SLC25A26: variants seen among roughly 807,000 people sequenced by gnomAD.
SLC25A26 encodes the protein mitochondrial S-adenosylmethionine carrier protein.
Under a neutral mutation model 37.8 loss-of-function variants are expected in SLC25A26, and 36 were observed. The ratio of observed to expected loss-of-function variants is 0.95; its 90% CI spans 0.73 to 1.26. The LOEUF is 1.26. SLC25A26 is among the 50% of genes most tolerant of loss of function. The probability of loss-of-function intolerance (pLI) is 0.00; values close to 1 mark genes in which losing one functional copy is unlikely to be tolerated. For synonymous variants in SLC25A26, 129 were observed against 122.5 expected (o/e 1.05, Z -0.35); for missense variants, 390 against 331.1 (o/e 1.18, Z -1.38).
At chr3:66,320,546 A>G (rs919405090) in intron 5 of SLC25A26, among the ~76,000 whole-genome samples, 3 of 152,166 alleles carry the variant, frequency 2.0e-5, no homozygotes, top group African/African-American at 4.8e-5. Flanking sequence ...GCTGTGAACA[A>G]TGGTATGCAA....
intron 5 of SLC25A26, among the ~76,000 whole-genome samples, chr3:66,280,533 C>T (rs2074301754): frequency 6.6e-6 from 1 of 152,186 alleles, no homozygotes; most frequent in Admixed American, 6.5e-5. Context: ...GCACGAAACA[C>T]TGTTAGTGGA....
chr3:66,258,578 G>A (rs767033605), intron 3 of SLC25A26, among the ~76,000 whole-genome samples: 2 of 152,168 alleles, frequency 1.3e-5, no homozygotes, highest in South Asian at 2.1e-4. Context: ...AGATGCAGGT[G>A]AAATTTTATA....
At chr3:66,193,013 G>C (rs1268649860) in intron 1 of SLC25A26, among the ~76,000 whole-genome samples, 1 of 152,054 alleles carries the variant, frequency 6.6e-6, no homozygotes, top group African/African-American at 2.4e-5. Flanking sequence ...AACAAAGACA[G>C]TTCGTTATAC....
chr3:66,348,611 TG>T lies in SLC25A26; in HGVS notation c.498+2204del, dbSNP rs2076380920. Among the ~76,000 whole-genome samples the T allele has an allele frequency of 2.0e-5, 3 of 152,344 alleles. No homozygotes were observed. In the South Asian group the frequency reaches 6.2e-4, roughly 32 times the overall value. ...TTTGAAGAGTATCATAAAAATTATT[TG>T]TACTTGGAAATAAATTGTTGAGGTA... On this transcript the variant is annotated intron_variant, in intron 6 of 9. Coordinates refer to ENST00000354883, the MANE Select transcript of SLC25A26 (RefSeq NM_001379210.1).
chr3:66,196,228 C>A, intron 1 of SLC25A26, among the ~76,000 whole-genome samples: 1 of 152,270 alleles, frequency 6.6e-6, no homozygotes, highest in East Asian at 1.9e-4. Flanking sequence ...AAGAATTTAT[C>A]TTCCAGTATT....
At chr3:66,273,001 A>C (rs532731639) in intron 5 of SLC25A26, among the ~76,000 whole-genome samples, 8 of 152,272 alleles carry the variant, frequency 5.3e-5, no homozygotes, top group Non-Finnish European at 1.2e-4. Flanking sequence ...TTTTAGCATG[A>C]AGGGTTTTTG....
At chr3:66,285,910 A>G (rs2074497801) in intron 5 of SLC25A26, among the ~76,000 whole-genome samples, 1 of 152,202 alleles carries the variant, frequency 6.6e-6, no homozygotes, top group Non-Finnish European at 1.5e-5. Context: ...AACTACTCCC[A>G]GGAGTTGATG....
chr3:66,172,132 C>G (rs1163697338), intron 1 of SLC25A26, among the ~76,000 whole-genome samples: 1 of 152,016 alleles, frequency 6.6e-6, no homozygotes, highest in African/African-American at 2.4e-5. Context: ...AAAAAAATGT[C>G]AGGCACAGCA....
intron 8 of SLC25A26, among the ~76,000 whole-genome samples, chr3:66,369,845 C>A (rs1473391853): frequency 6.6e-6 from 1 of 152,198 alleles, no homozygotes; most frequent in Admixed American, 6.5e-5. Flanking sequence ...GTTGACGAGC[C>A]TCCTGCTATG....
intron 5 of SLC25A26, among the ~76,000 whole-genome samples, chr3:66,336,460 A>T (rs1245533412): frequency 2.0e-5 from 3 of 152,184 alleles, no homozygotes; most frequent in Non-Finnish European, 4.4e-5. Context: ...AGGCAACCGG[A>T]TTATATTTGA....
At chr3:66,208,764 G>T (rs1262718838) in intron 1 of SLC25A26, among the ~76,000 whole-genome samples, 2 of 101,224 alleles carry the variant, frequency 2.0e-5, no homozygotes, top group East Asian at 5.2e-4. Flanking sequence ...ATATTTATAT[G>T]GGTGTATATA....
chr3:66,224,646 A>G (rs958479824), intron 1 of SLC25A26, among the ~76,000 whole-genome samples: 13 of 152,288 alleles, frequency 8.5e-5, no homozygotes, highest in African/African-American at 2.4e-4. Flanking sequence ...TTCAAAACCA[A>G]TCATGCCTTC....
At chr3:66,178,830 A>G (rs2070639857) in intron 1 of SLC25A26, among the ~76,000 whole-genome samples, 1 of 152,232 alleles carries the variant, frequency 6.6e-6, no homozygotes, top group South Asian at 2.1e-4. Flanking sequence ...AGAAGGAAAA[A>G]TTAAGTTGAA....
At chr3:66,181,932 G>A (rs1017792201) in intron 1 of SLC25A26, among the ~76,000 whole-genome samples, 56 of 152,208 alleles carry the variant, frequency 3.7e-4, no homozygotes, top group African/African-American at 1.2e-3. Flanking sequence ...GCCTGCCTGG[G>A]AGCGTGCCCG....
At chr3:66,304,644 T>C in intron 5 of SLC25A26, 1 of 313,642 alleles carries the variant, frequency 3.2e-6, no homozygotes, top group Non-Finnish European at 6.3e-6. Context: ...CATTGAGGAT[T>C]CGTTGTTCAC....
chr3:66,171,928 C>T (rs764777767), intron 1 of SLC25A26, among the ~76,000 whole-genome samples: 1 of 152,224 alleles, frequency 6.6e-6, no homozygotes, highest in Non-Finnish European at 1.5e-5. Context: ...GCTACTCTTC[C>T]TTACCCCCTT....
intron 2 of SLC25A26, among the ~76,000 whole-genome samples, chr3:66,241,638 G>A (rs1413753477): frequency 6.6e-6 from 1 of 152,152 alleles, no homozygotes; most frequent in Non-Finnish European, 1.5e-5. Context: ...GAGTACCAGG[G>A]TTCAAAAATA....
intron 5 of SLC25A26, among the ~76,000 whole-genome samples, chr3:66,323,458 A>G (rs9869795): frequency 0.55 from 83,944 of 152,102 alleles, 23,819 homozygotes; most frequent in East Asian, 0.78. Context: ...TTTAATACAC[A>G]TAGAGCTGGG....
At chr3:66,143,597 T>A (rs985504289) in intron 1 of SLC25A26, among the ~76,000 whole-genome samples, 6 of 151,952 alleles carry the variant, frequency 3.9e-5, no homozygotes, top group East Asian at 1.9e-4. Context: ...AAAAAAAAAA[T>A]TATTGGCTGG....
Sources: gnomAD v4.1 joint callset for allele counts (sites outside exome capture counted in the v4.1 genomes callset) on GRCh38, gnomAD v4.1.1 for gene constraint, MANE v1.5 for transcripts, NCBI Gene and HGNC (gene_info 2026-07-23, HGNC 2026-07-21) for gene names.